The following NUDT3 variants were observed in gnomAD, a reference collection of about 807,000 sequenced individuals.
The protein encoded by NUDT3 is nudix hydrolase 3, also known as diphosphoinositol polyphosphate phosphohydrolase 1.
NUDT3 carries 9 observed loss-of-function variants against 23.6 expected under a neutral mutation model. The observed-to-expected ratio is 0.38, with a 90% confidence interval of 0.23 to 0.66. NUDT3 has a LOEUF of 0.66. Ranked by LOEUF, NUDT3 falls within the 30% of genes least tolerant of loss-of-function variation. NUDT3 has a pLI of 0.52. For missense variants in NUDT3, 172 were observed against 218.5 expected, an observed-to-expected ratio of 0.79 and a Z score of 1.34; for synonymous variants, 86 against 82.6, an observed-to-expected ratio of 1.04 and a Z score of -0.22.
intron 4 of NUDT3, among the ~76,000 whole-genome samples, chr6:34,289,286 G>A (rs550670582): frequency 6.6e-6 from 1 of 152,308 alleles, no homozygotes; most frequent in East Asian, 1.9e-4. Context: ...TGACATGAGG[G>A]CCGGATGAGG....
chr6:34,289,106 A>G (rs1446365320), intron 4 of NUDT3, among the ~76,000 whole-genome samples, 175 bp from the exon 5 acceptor site: 3 of 152,238 alleles, frequency 2.0e-5, no homozygotes, highest in Admixed American at 1.3e-4. Flanking sequence ...TCTAATGCAG[A>G]AAGGTGAGAA....
At chr6:34,338,690 C>T (rs909840484) in intron 2 of NUDT3, among the ~76,000 whole-genome samples, 3 of 152,334 alleles carry the variant, frequency 2.0e-5, no homozygotes, top group Middle Eastern at 3.4e-3. Flanking sequence ...GATTAAACTA[C>T]TGACACACTG....
At chr6:34,360,534 G>C (rs751463410) in intron 1 of NUDT3, among the ~76,000 whole-genome samples, 6 of 152,084 alleles carry the variant, frequency 3.9e-5, no homozygotes, top group Non-Finnish European at 7.4e-5. Context: ...AGATAATCAA[G>C]ATTGTGCCAC....
chr6:34,391,058 TAAC>T (rs1038678235), intron 1 of NUDT3, among the ~76,000 whole-genome samples: 6 of 152,282 alleles, frequency 3.9e-5, no homozygotes, highest in African/African-American at 1.2e-4. Context: ...TGGGATCCCT[TAAC>T]AACACAATTC....
rs116887868 is a variant in NUDT3, at chr6:34,367,361, G to A, written c.99+24903C>T. 5.0e-4 allele frequency among the ~76,000 whole-genome samples: 76 copies of A among 151,520 alleles called. 1 individual carries two copies. The East Asian group carries it at 0.011, about 22-fold the overall frequency. ...GCCGGGTGTGGTGGCGTGTGCCTGC[G>A]ATCCCAGCTACTTGGGAGGCTGAAG... On this transcript the variant is annotated intron_variant, in intron 1 of 4. Transcript: ENST00000607016.
chr6:34,281,961 T>G lies in NUDT3; in HGVS notation c.*6792A>C, dbSNP rs1272078215. On this transcript the variant is annotated 3_prime_UTR_variant, in exon 5 of 5. Transcript: ENST00000607016. ...AAGGCCCTCCAAGTCTCCTTTTTAC[T>G]TCAGCACTTTGGAAACTCTCCAAGA... The G allele has an allele frequency of 6.6e-6, 1 of 152,214 alleles. No homozygotes were observed. The highest frequency in any genetic ancestry group is 1.5e-5 in the Non-Finnish European group (1 of 68,054). 9.4% of individuals were successfully genotyped at this position (152,214 alleles called of 1,614,324 possible).
chr6:34,382,882 C>T (rs150165894), intron 1 of NUDT3, among the ~76,000 whole-genome samples: 1 of 151,582 alleles, frequency 6.6e-6, no homozygotes, highest in East Asian at 1.9e-4. Flanking sequence ...AATCCTAGCA[C>T]TTTGGGAGGC....
intron 1 of NUDT3, among the ~76,000 whole-genome samples, chr6:34,383,412 C>G (rs1765055979): frequency 6.6e-6 from 1 of 152,102 alleles, no homozygotes; most frequent in South Asian, 2.1e-4. Flanking sequence ...GAGCCAGGGT[C>G]TCTCTCACTC....
chr6:34,354,428 C>T (rs971224283), intron 1 of NUDT3, among the ~76,000 whole-genome samples: 1 of 141,540 alleles, frequency 7.1e-6, no homozygotes. Flanking sequence ...CACACACACA[C>T]ATACACACTC....
At chr6:34,390,098 A>G (rs1190453560) in intron 1 of NUDT3, among the ~76,000 whole-genome samples, 1 of 152,156 alleles carries the variant, frequency 6.6e-6, no homozygotes. Context: ...AGATCACGCC[A>G]CTGCACTCCA....
intron 1 of NUDT3, among the ~76,000 whole-genome samples, chr6:34,353,094 T>G (rs1336662981): frequency 1.3e-5 from 2 of 152,222 alleles, no homozygotes; most frequent in African/African-American, 4.8e-5. Flanking sequence ...GCACTTCTTG[T>G]GAAGACTTCT....
At chr6:34,377,855 A>C (rs1284759365) in intron 1 of NUDT3, among the ~76,000 whole-genome samples, 1 of 151,282 alleles carries the variant, frequency 6.6e-6, no homozygotes, top group Non-Finnish European at 1.5e-5. Flanking sequence ...AAAAGTGTGG[A>C]GAGAGCATGA....
At chr6:34,329,253 T>A (rs1054257678) in intron 2 of NUDT3, among the ~76,000 whole-genome samples, 4 of 152,174 alleles carry the variant, frequency 2.6e-5, no homozygotes, top group African/African-American at 9.7e-5. Flanking sequence ...TATACACACA[T>A]ATACACAAAT....
At chr6:34,382,653 A>G (rs1448212973) in intron 1 of NUDT3, among the ~76,000 whole-genome samples, 1 of 151,736 alleles carries the variant, frequency 6.6e-6, no homozygotes, top group Non-Finnish European at 1.5e-5. Context: ...TGAGCAACAT[A>G]GCAAGACCCT....
chr6:34,353,156 TC>T (rs1202742809), intron 1 of NUDT3, among the ~76,000 whole-genome samples: 2 of 152,172 alleles, frequency 1.3e-5, no homozygotes, highest in Non-Finnish European at 2.9e-5. Flanking sequence ...TTCTTTTCTT[TC>T]CCCTTTGTCA....
intron 1 of NUDT3, among the ~76,000 whole-genome samples, chr6:34,366,436 G>A (rs889059393): frequency 1.5e-5 from 2 of 130,422 alleles, no homozygotes; most frequent in African/African-American, 2.9e-5. Context: ...GAGAGAAAGA[G>A]AGAGAGAAGG....
intron 2 of NUDT3, among the ~76,000 whole-genome samples, chr6:34,296,711 G>A (rs956439033): frequency 1.3e-5 from 2 of 152,152 alleles, no homozygotes; most frequent in African/African-American, 4.8e-5. Flanking sequence ...ACAGTGAATA[G>A]GCTAGAACGC....
intron 2 of NUDT3, among the ~76,000 whole-genome samples, chr6:34,326,956 G>A (rs1016171671): frequency 6.6e-6 from 1 of 152,224 alleles, no homozygotes; most frequent in Non-Finnish European, 1.5e-5. Flanking sequence ...GAGATCGTAC[G>A]AAATAAAGAC....
chr6:34,297,236 T>C (rs1763514862), intron 2 of NUDT3, among the ~76,000 whole-genome samples: 1 of 152,048 alleles, frequency 6.6e-6, no homozygotes, highest in Non-Finnish European at 1.5e-5. Flanking sequence ...CTGGCCTGCC[T>C]TTTCTTAAAT....
Sources: gnomAD v4.1 joint callset for allele counts (sites outside exome capture counted in the v4.1 genomes callset) on GRCh38, gnomAD v4.1.1 for gene constraint, MANE v1.5 for transcripts, NCBI Gene and HGNC (gene_info 2026-07-23, HGNC 2026-07-21) for gene names.